The following VTI1A variants were observed in gnomAD, a reference collection of about 807,000 sequenced individuals.
VTI1A encodes the protein vesicle transport through interaction with t-SNAREs 1A, also known as vesicle transport through interaction with t-SNAREs homolog 1A.
Under a neutral mutation model 34.9 loss-of-function variants are expected in VTI1A, and 22 were observed. The observed-to-expected ratio is 0.63, with a 90% CI of 0.45 to 0.90. The LOEUF is 0.90. Ranked by LOEUF, VTI1A falls within the 40% of genes least tolerant of loss-of-function variation. The pLI, the probability that VTI1A is intolerant of heterozygous loss-of-function variation, is 0.00. For synonymous variants in VTI1A, 87 were observed against 97.3 expected (o/e 0.89, Z 0.62); for missense variants, 268 against 275.6 (o/e 0.97, Z 0.20).
chr10:112,521,004 C>T (rs919208692), intron 3 of VTI1A, among the ~76,000 whole-genome samples: 1 of 151,842 alleles, frequency 6.6e-6, no homozygotes, highest in African/African-American at 2.4e-5. Flanking sequence ...TATTTTTTCT[C>T]TGGTGGCTTG....
rs879013051 is a variant in VTI1A, at chr10:112,815,139, G to GCGCA, written c.561-150_561-149insGCAC. The GCGCA allele has an allele frequency of 5.6e-3, 1,006 of 180,780 alleles. 7 individuals carry two copies. Among genetic ancestry groups the GCGCA allele is most frequent in the East Asian group, 0.03 (281 of 9,488 alleles). 11.2% of individuals were successfully genotyped at this position (180,780 alleles called of 1,614,324 possible). A position where few individuals can be genotyped will look rare whatever the true frequency, so the allele number is the denominator to read the frequency against. On this transcript the variant is annotated intron_variant, in intron 7 of 7. Coordinates refer to ENST00000393077, the MANE Select transcript of VTI1A (RefSeq NM_145206.4). ...GCTGCGTGATGTCTCTTTCGCGCGC[G>GCGCA]CACACACACACACACACACACACAC...
chr10:112,600,861 G>A (rs1272662946), intron 5 of VTI1A, among the ~76,000 whole-genome samples: 1 of 152,252 alleles, frequency 6.6e-6, no homozygotes, highest in Non-Finnish European at 1.5e-5. Context: ...GCATGGATAT[G>A]CATTTGCAAT....
At chr10:112,848,173 T>A in the VTI1A span, among the ~76,000 whole-genome samples, 1 of 152,220 alleles carries the variant, frequency 6.6e-6, no homozygotes, top group South Asian at 2.1e-4. Context: ...TGGCCAGCTC[T>A]CCCAATCCCC....
chr10:112,661,074 G>C (rs1033159709), intron 5 of VTI1A, among the ~76,000 whole-genome samples: 4 of 152,146 alleles, frequency 2.6e-5, no homozygotes, highest in Non-Finnish European at 4.4e-5. Flanking sequence ...TCCGCCTCCT[G>C]GGTTCAAGTG....
At chr10:112,555,339 T>C (rs527379971) in intron 5 of VTI1A, among the ~76,000 whole-genome samples, 1 of 152,240 alleles carries the variant, frequency 6.6e-6, no homozygotes, top group African/African-American at 2.4e-5. Flanking sequence ...TAAAACATAA[T>C]TTTTACTTAC....
At chr10:112,782,814 G>A (rs948327090) in intron 7 of VTI1A, among the ~76,000 whole-genome samples, 3 of 152,076 alleles carry the variant, frequency 2.0e-5, no homozygotes, top group Non-Finnish European at 4.4e-5. Flanking sequence ...TTACTGGGGG[G>A]GATTCCAGCT....
intron 7 of VTI1A, among the ~76,000 whole-genome samples, chr10:112,714,377 T>G (rs1355285982): frequency 6.6e-6 from 1 of 152,188 alleles, no homozygotes. Context: ...TTTTATAAAC[T>G]TGTTGGCTTA....
At chr10:112,819,146 C>T (rs1056411088), downstream of VTI1A, among the ~76,000 whole-genome samples, 2 of 152,182 alleles carry the variant, frequency 1.3e-5, no homozygotes, top group African/African-American at 2.4e-5. Context: ...ATGGAGTGAG[C>T]TGGAAATTTA....
At chr10:112,457,587 T>C (rs1375238332) in intron 1 of VTI1A, among the ~76,000 whole-genome samples, 1 of 152,182 alleles carries the variant, frequency 6.6e-6, no homozygotes, top group Non-Finnish European at 1.5e-5. Flanking sequence ...CAGGTGGGCC[T>C]GGTGGAGATG....
intron 7 of VTI1A, among the ~76,000 whole-genome samples, chr10:112,757,933 C>G (rs559564966): frequency 3.9e-5 from 6 of 152,218 alleles, no homozygotes; most frequent in Admixed American, 3.3e-4. Context: ...ATGTTATAAA[C>G]TATTGTTTAG....
intron 7 of VTI1A, among the ~76,000 whole-genome samples, chr10:112,789,975 TATC>T (rs766699004): frequency 4.0e-5 from 6 of 151,660 alleles, no homozygotes; most frequent in Non-Finnish European, 5.9e-5. Context: ...TGGTGGTTGT[TATC>T]ATGTCATTTT....
At chr10:112,655,883 C>T (rs1847212488) in intron 5 of VTI1A, among the ~76,000 whole-genome samples, 1 of 152,160 alleles carries the variant, frequency 6.6e-6, no homozygotes, top group African/African-American at 2.4e-5. Context: ...ATAAGGGCTA[C>T]ACAACAGTGT....
At chr10:112,579,558 G>A (rs560756480) in intron 5 of VTI1A, among the ~76,000 whole-genome samples, 3 of 152,146 alleles carry the variant, frequency 2.0e-5, no homozygotes, top group South Asian at 2.1e-4. Context: ...CTAAAAAAAG[G>A]TATATCTTAC....
intron 5 of VTI1A, among the ~76,000 whole-genome samples, chr10:112,623,637 A>G (rs1845815946): frequency 6.6e-6 from 1 of 152,080 alleles, no homozygotes; most frequent in African/African-American, 2.4e-5. Context: ...TGGGGCTATA[A>G]TCGAATCCTG....
chr10:112,739,126 C>T (rs908499666), intron 7 of VTI1A, among the ~76,000 whole-genome samples: 2 of 152,172 alleles, frequency 1.3e-5, no homozygotes, highest in Non-Finnish European at 2.9e-5. Flanking sequence ...CTGTTCCTGC[C>T]ACCTTGTCAT....
intron 7 of VTI1A, among the ~76,000 whole-genome samples, chr10:112,760,880 C>T (rs1387312681): frequency 8.2e-6 from 1 of 122,392 alleles, no homozygotes; most frequent in Admixed American, 8.6e-5. Context: ...CAGAGCAAGA[C>T]TCCATCTCCA....
At chr10:112,700,470 C>T (rs1311656553) in intron 7 of VTI1A, among the ~76,000 whole-genome samples, 4 of 152,340 alleles carry the variant, frequency 2.6e-5, no homozygotes, top group East Asian at 1.9e-4. Flanking sequence ...AATCAATCAT[C>T]TTTCTTGATC....
At chr10:112,633,525 A>G (rs1846218502) in intron 5 of VTI1A, among the ~76,000 whole-genome samples, 1 of 152,210 alleles carries the variant, frequency 6.6e-6, no homozygotes, top group African/African-American at 2.4e-5. Flanking sequence ...GATAGCAGGC[A>G]AAACACCGGG....
intron 5 of VTI1A, among the ~76,000 whole-genome samples, chr10:112,650,395 A>G (rs948561904): frequency 3.3e-5 from 5 of 152,182 alleles, no homozygotes; most frequent in Non-Finnish European, 5.9e-5. Flanking sequence ...GTCATCTCCT[A>G]TGATAACAAT....
Sources: gnomAD v4.1 joint callset for allele counts (sites outside exome capture counted in the v4.1 genomes callset) on GRCh38, gnomAD v4.1.1 for gene constraint, MANE v1.5 for transcripts, NCBI Gene and HGNC (gene_info 2026-07-23, HGNC 2026-07-21) for gene names.